Variants in OPCML observed in about 807,000 individuals in gnomAD.
OPCML encodes the protein opioid binding protein/cell adhesion molecule like.
OPCML carries 13 observed loss-of-function variants against 37.8 expected under a neutral mutation model. That is an observed-to-expected ratio of 0.34 (90% CI 0.22 to 0.55). The LOEUF (loss-of-function observed/expected upper bound fraction) is 0.55. Among genes scored for constraint, OPCML ranks in the 20% least tolerant of loss-of-function variants. The pLI is 0.91. For synonymous variants in OPCML, 176 were observed against 168.8 expected, an observed-to-expected ratio of 1.04 and a Z score of -0.33; for missense variants, 341 against 435.6, an observed-to-expected ratio of 0.78 and a Z score of 1.93.
At chr11:133,427,498 C>T (rs1946027519) in intron 1 of OPCML, among the ~76,000 whole-genome samples, 1 of 151,704 alleles carries the variant, frequency 6.6e-6, no homozygotes, top group East Asian at 1.9e-4. Context: ...AAATGCTTTA[C>T]TATTAGAAAG....
At chr11:132,450,652 G>T (rs979361895) in intron 4 of OPCML, among the ~76,000 whole-genome samples, 5 of 152,098 alleles carry the variant, frequency 3.3e-5, no homozygotes, top group Admixed American at 2.0e-4. Context: ...AAAACAGTGT[G>T]ATATTTATTG....
At chr11:132,735,878 T>C (rs930023398) in intron 2 of OPCML, among the ~76,000 whole-genome samples, 3 of 152,100 alleles carry the variant, frequency 2.0e-5, no homozygotes, top group Non-Finnish European at 4.4e-5. Context: ...CCCAAACATC[T>C]ACATCCAAGA....
chr11:132,856,718 A>G (rs1189639801), intron 2 of OPCML, among the ~76,000 whole-genome samples: 1 of 152,204 alleles, frequency 6.6e-6, no homozygotes, highest in Non-Finnish European at 1.5e-5. Flanking sequence ...ATGGAACACC[A>G]GTAAGCACAC....
At chr11:133,427,892 C>T (rs1484316620) in intron 1 of OPCML, among the ~76,000 whole-genome samples, 1 of 152,022 alleles carries the variant, frequency 6.6e-6, no homozygotes, top group Non-Finnish European at 1.5e-5. Context: ...TATGTAAGCC[C>T]ACACCTCTAC....
intron 1 of OPCML, among the ~76,000 whole-genome samples, chr11:133,375,043 G>T (rs552476930): frequency 2.8e-4 from 42 of 152,296 alleles, no homozygotes; most frequent in African/African-American, 9.4e-4. Context: ...CATCATATTT[G>T]TCTGGGTATC....
At chr11:133,289,284 T>C (rs1942391621) in intron 1 of OPCML, among the ~76,000 whole-genome samples, 1 of 152,188 alleles carries the variant, frequency 6.6e-6, no homozygotes, top group Non-Finnish European at 1.5e-5. Flanking sequence ...TGATAGCAAT[T>C]TGATTTGATT....
At chr11:133,159,314 T>C (rs184859588) in intron 1 of OPCML, among the ~76,000 whole-genome samples, 14 of 152,200 alleles carry the variant, frequency 9.2e-5, no homozygotes, top group African/African-American at 3.4e-4. Context: ...TGGGGCACGA[T>C]GTATGCCTCA....
At chr11:133,503,941 C>G (rs531733547) in intron 1 of OPCML, among the ~76,000 whole-genome samples, 1 of 151,996 alleles carries the variant, frequency 6.6e-6, no homozygotes, top group Admixed American at 6.6e-5. Flanking sequence ...GCAGGGAAGG[C>G]GGGAGGAGGA....
intron 1 of OPCML, among the ~76,000 whole-genome samples, chr11:133,140,882 AC>A (rs1565468320): frequency 3.2e-4 from 6 of 18,582 alleles, no homozygotes; most frequent in South Asian, 2.5e-3. Flanking sequence ...GAAGAAGACG[AC>A]GACGACGACG....
intron 1 of OPCML, among the ~76,000 whole-genome samples, chr11:133,497,926 A>C (rs1947820484): frequency 6.6e-6 from 1 of 152,228 alleles, no homozygotes; most frequent in Non-Finnish European, 1.5e-5. Context: ...GAGACAGTGC[A>C]CTGCACACTG....
chr11:133,465,775 C>T (rs368904844), intron 1 of OPCML, among the ~76,000 whole-genome samples: 5 of 152,202 alleles, frequency 3.3e-5, no homozygotes, highest in Admixed American at 2.6e-4. Context: ...AAATGGGGAT[C>T]GTCCACCGTA....
intron 1 of OPCML, among the ~76,000 whole-genome samples, chr11:133,003,004 A>G (rs553738721): frequency 4.0e-4 from 61 of 152,294 alleles, no homozygotes; most frequent in African/African-American, 1.4e-3. Context: ...TTTCTGATAT[A>G]CCACAAAATC....
chr11:133,469,835 T>C (rs1017181915), intron 1 of OPCML, among the ~76,000 whole-genome samples: 1 of 152,182 alleles, frequency 6.6e-6, no homozygotes, highest in African/African-American at 2.4e-5. Context: ...TAAATACCTC[T>C]CACCTTTCTT....
At chr11:133,200,951 T>G (rs925999143) in intron 1 of OPCML, among the ~76,000 whole-genome samples, 1 of 152,022 alleles carries the variant, frequency 6.6e-6, no homozygotes, top group Admixed American at 6.6e-5. Context: ...TACAAAGCCA[T>G]AAAAAGGATG....
intron 1 of OPCML, among the ~76,000 whole-genome samples, chr11:132,955,230 A>T (rs897918927): frequency 2.2e-4 from 33 of 152,192 alleles, no homozygotes; most frequent in African/African-American, 5.3e-4. Flanking sequence ...TATTTTTTTA[A>T]TGTGTCTGAA....
chr11:132,739,864 G>C (rs966900971), intron 2 of OPCML, among the ~76,000 whole-genome samples: 2 of 152,108 alleles, frequency 1.3e-5, no homozygotes, highest in Non-Finnish European at 2.9e-5. Context: ...GACCCCATCA[G>C]TGTTTTGGTA....
intron 1 of OPCML, among the ~76,000 whole-genome samples, chr11:133,290,262 G>T (rs1431394169): frequency 6.6e-6 from 1 of 152,160 alleles, no homozygotes; most frequent in Non-Finnish European, 1.5e-5. Flanking sequence ...GCCAATGAGG[G>T]ATGGTAGAGT....
Position 132,479,651 on chromosome 11 carries a change from G to A in OPCML, c.506-42292C>T, listed in dbSNP as rs966262144. ...TCTGACAGCTTTGAAGAGAGCAGTGGTTCTCCCAGTACGCAGCTGGAGATC... is the reference window on the plus strand; with the variant it reads ...TCTGACAGCTTTGAAGAGAGCAGTGATTCTCCCAGTACGCAGCTGGAGATC... On this transcript the variant is annotated intron_variant, in intron 4 of 7. Transcript: ENST00000524381. 2.6e-5 allele frequency among the ~76,000 whole-genome samples: 4 copies of A among 152,194 alleles called. No homozygotes were observed. In the South Asian group the frequency reaches 8.3e-4, roughly 31 times the overall value.
At chr11:132,566,083 C>T (rs2096422362) in intron 3 of OPCML, among the ~76,000 whole-genome samples, 1 of 152,216 alleles carries the variant, frequency 6.6e-6, no homozygotes. Flanking sequence ...GTCTGATTAA[C>T]ATCTATTAAG....
Sources: allele counts gnomAD v4.1 joint callset (sites outside exome capture counted in the v4.1 genomes callset), GRCh38; gene constraint gnomAD v4.1.1; transcripts MANE v1.5; gene names NCBI Gene and HGNC (gene_info 2026-07-23, HGNC 2026-07-21).